Variants in RFPL2 observed in about 807,000 individuals in gnomAD.
The protein encoded by RFPL2 is ret finger protein-like 2.
RFPL2 carries 13 observed loss-of-function variants against 17.8 expected under a neutral mutation model. The observed-to-expected ratio is 0.73, with a 90% CI of 0.47 to 1.16. RFPL2 has a LOEUF of 1.16. RFPL2 is among the 50% of genes most tolerant of loss of function. The pLI, the probability that RFPL2 is intolerant of heterozygous loss-of-function variation, is 0.00. For missense variants in RFPL2, 431 were observed against 479.3 expected (o/e 0.90, Z 0.94); for synonymous variants, 189 against 180.9 (o/e 1.04, Z -0.36).
Position 32,191,139 on chromosome 22 carries a change from A to T in RFPL2, c.770T>A (p.Val257Asp). 3 of 1,613,686 alleles carry T rather than the reference A, an allele frequency of 1.9e-6. No individual in the cohort carries two copies. The highest frequency in any genetic ancestry group is 1.7e-4 in the Middle Eastern group (1 of 6,056). Reference protein sequence around the residue: ...VGTSTEWDLGVCRESVHRKGR... With the variant: ...VGTSTEWDLGDCRESVHRKGR... ...TTTGCGGTGAACAGATTCTCTGCAG[A>T]CTCCCAGGTCCCATTCTGTGCTTGT... The change falls in exon 5 of 5, where the codon GTC becomes GAC. Residue 257 changes from valine to aspartate, a missense_variant. By Grantham distance (152) the Val-to-Asp change is radical (BLOSUM62 -3). Transcript: ENST00000652607.
intron 2 of RFPL2, among the ~76,000 whole-genome samples, chr22:32,195,081 T>C (rs1164809918): frequency 1.3e-5 from 2 of 152,240 alleles, no homozygotes; most frequent in Admixed American, 1.3e-4. Flanking sequence ...TTTCTTCCAT[T>C]TGAATCAACC....
At chr22:32,202,739 A>T in intron 1 of RFPL2, 189 bp from the exon 2 acceptor site, 2 of 1,175,418 alleles carry the variant, frequency 1.7e-6, no homozygotes, top group Non-Finnish European at 2.1e-6. Flanking sequence ...CGGGCTTCCC[A>T]CTCCACAGGA....
At chr22:32,201,313 C>T (rs1335824102) in intron 2 of RFPL2, among the ~76,000 whole-genome samples, 1 of 152,150 alleles carries the variant, frequency 6.6e-6, no homozygotes, top group African/African-American at 2.4e-5. Context: ...GCTGGGATTA[C>T]AGGTGTGAGC....
rs2149521553 is a variant in RFPL2 at position 32,190,832 on chromosome 22, G to C, written c.1077C>G (p.Ile359Met). The C allele has an allele frequency of 6.4e-7, 1 of 1,562,738 alleles. No homozygotes were observed. The highest frequency in any genetic ancestry group is 1.4e-5 in the African/African-American group (1 of 72,318). Residue 359 changes from isoleucine (I) to methionine (M), a missense_variant, in exon 5 of 5, where the codon ATC (isoleucine) becomes ATG (methionine). Coordinates refer to ENST00000652607, the MANE Select transcript of RFPL2 (RefSeq NM_001394555.1). ...TAGTGCCTGAGTTCATCAAAGGACA[G>C]ATGCTCAAGACACCTTGATCACCAT... Reference protein sequence around the residue: ...PPNGDQGVLSICPLMNSGTTD... With the variant: ...PPNGDQGVLSMCPLMNSGTTD...
At chr22:32,193,615 TGGGA>T in intron 3 of RFPL2, 1 of 644,686 alleles carries the variant, frequency 1.6e-6, no homozygotes, top group Non-Finnish European at 2.1e-6. Context: ...TCCAGCACTT[TGGGA>T]GGCCAAGGTG....
chr22:32,190,649 C>T lies in RFPL2; in HGVS notation c.*123G>A. 1 of 1,004,106 alleles carries T rather than the reference C, an allele frequency of 1.0e-6. No homozygotes were observed. The highest frequency in any genetic ancestry group is 1.4e-6 in the Non-Finnish European group (1 of 696,916). The allele number at this position is 1,004,106 out of a possible 1,614,324, so 62.2% of individuals were successfully genotyped here. ...CTAATCAAATTAGATTAAGTACAAT[C>T]AAGAAATGTCCCATATTTTTCTCCC... On this transcript the variant is annotated 3_prime_UTR_variant, in exon 5 of 5. Transcript: ENST00000652607.
chr22:32,204,798 T>C lies in RFPL2; in HGVS notation c.-191A>G, dbSNP rs1924359942. 6.6e-6 allele frequency among the ~76,000 whole-genome samples: 1 copy of C among 152,318 alleles called. No homozygotes were observed. Among genetic ancestry groups the C allele is most frequent in the Admixed American group, 6.5e-5 (1 of 15,302 alleles). On this transcript the variant is annotated 5_prime_UTR_variant, in exon 1 of 5. Transcript: ENST00000652607. The stretch of plus-strand genomic sequence containing the variant: ...CAGACCGAGGTTATGCAAGTAAGGT[T>C]TCTGGACTACATGTTCAGATTGGAT...
chr22:32,199,263 C>T (rs916748100), intron 2 of RFPL2, among the ~76,000 whole-genome samples: 3 of 152,000 alleles, frequency 2.0e-5, no homozygotes, highest in Non-Finnish European at 4.4e-5. Context: ...ACATGCTGTT[C>T]GTGGAGGTGG....
In RFPL2 at chr22:32,204,729, G is replaced by A. The variant is rs781770786; in HGVS notation, c.-122C>T. Among the ~76,000 whole-genome samples, 10 of 152,218 alleles carry A rather than the reference G, an allele frequency of 6.6e-5. No individual in the cohort carries two copies. Among genetic ancestry groups the A allele is most frequent in the Non-Finnish European group, 1.2e-4 (8 of 68,042 alleles). ...AACCTGGGCATGGAGCAGATGGGCT[G>A]GCAGACGCAGAAGTGCCTGGAATGG... is the stretch of plus-strand genomic sequence containing the variant. On this transcript the variant is annotated 5_prime_UTR_variant, in exon 1 of 5. Transcript: ENST00000652607.
At chr22:32,193,505 TG>T in intron 3 of RFPL2, 1 of 1,395,514 alleles carries the variant, frequency 7.2e-7, no homozygotes, top group Non-Finnish European at 9.3e-7. Context: ...AACAGCGAGC[TG>T]GGGTCATTTC....
intron 4 of RFPL2, among the ~76,000 whole-genome samples, chr22:32,192,560 A>G (rs1475856156): frequency 3.9e-5 from 6 of 152,184 alleles, no homozygotes; most frequent in African/African-American, 1.4e-4. Flanking sequence ...CAGTTGCTCT[A>G]TGTTTTTGCT....
intron 2 of RFPL2, 101 bp downstream of exon 2, chr22:32,202,232 C>G: frequency 5.6e-6 from 8 of 1,438,424 alleles, no homozygotes; most frequent in Non-Finnish European, 7.5e-6. Flanking sequence ...CCCTCCATCC[C>G]CACATCTCCT....
chr22:32,197,627 A>G (rs1923489658), intron 2 of RFPL2, among the ~76,000 whole-genome samples: 1 of 152,070 alleles, frequency 6.6e-6, no homozygotes. Flanking sequence ...CTCATTGTTC[A>G]AATCCCACCT....
intron 4 of RFPL2, among the ~76,000 whole-genome samples, chr22:32,192,089 A>G: frequency 6.6e-6 from 1 of 152,158 alleles, no homozygotes; most frequent in Non-Finnish European, 1.5e-5. Context: ...GAGGGTTCCA[A>G]ACATGACTTG....
chr22:32,198,243 C>A (rs1450053484), intron 2 of RFPL2, among the ~76,000 whole-genome samples: 1 of 152,108 alleles, frequency 6.6e-6, no homozygotes, highest in South Asian at 2.1e-4. Context: ...CTTAGGGAAG[C>A]AAATGCCTTC....
intron 2 of RFPL2, 50 bp downstream of exon 2, chr22:32,202,283 A>G: frequency 6.4e-7 from 1 of 1,552,210 alleles, no homozygotes; most frequent in South Asian, 1.2e-5. Flanking sequence ...TCTTTCCCTT[A>G]TAAAGACTCC....
rs73164028 is a variant in RFPL2, at chr22:32,203,915, C to G, written c.-100+792G>C. Among the ~76,000 whole-genome samples, 381 of 151,854 alleles carry G rather than the reference C, an allele frequency of 2.5e-3. 1 individual carries two copies. The highest frequency in any genetic ancestry group is 4.5e-3 in the Non-Finnish European group (305 of 67,916). On this transcript the variant is annotated intron_variant, in intron 1 of 4. Coordinates refer to ENST00000652607, the MANE Select transcript of RFPL2 (RefSeq NM_001394555.1). ...CGCACTACTGCTCCTTACACGCCCC[C>G]CACTACATGCGGTGTAGCCAACGAT...
chr22:32,196,660 G>A (rs933346099), intron 2 of RFPL2, among the ~76,000 whole-genome samples: 2 of 152,250 alleles, frequency 1.3e-5, no homozygotes, highest in Admixed American at 6.5e-5. Flanking sequence ...ACAATGTAAA[G>A]AGTGTGAGAA....
At chr22:32,194,700 C>T (rs1235009537) in intron 2 of RFPL2, among the ~76,000 whole-genome samples, 2 of 152,076 alleles carry the variant, frequency 1.3e-5, no homozygotes, top group African/African-American at 2.4e-5. Flanking sequence ...AAGATAATTC[C>T]TGTAATATGT....
Sources: gnomAD v4.1 joint callset for allele counts (sites outside exome capture counted in the v4.1 genomes callset) on GRCh38, gnomAD v4.1.1 for gene constraint, MANE v1.5 for transcripts, NCBI Gene and HGNC (gene_info 2026-07-23, HGNC 2026-07-21) for gene names.